Variants in GAS7 observed in about 807,000 individuals in gnomAD.
GAS7 encodes the protein growth arrest-specific protein 7.
In GAS7, 28 loss-of-function variants were observed where a neutral mutation model predicts 71.1. The observed-to-expected ratio is 0.39, with a 90% CI of 0.29 to 0.54. The LOEUF (loss-of-function observed/expected upper bound fraction) is 0.54. GAS7 is among the 20% of genes least tolerant of loss of function. GAS7 has a pLI of 0.62. For missense variants in GAS7, 436 were observed against 627.8 expected (o/e 0.69, Z 3.27); for synonymous variants, 258 against 245.8 (o/e 1.05, Z -0.46).
chr17:9,937,997 G>A (rs769018418), intron 8 of GAS7, among the ~76,000 whole-genome samples: 9 of 152,062 alleles, frequency 5.9e-5, no homozygotes, highest in Non-Finnish European at 1.2e-4. Flanking sequence ...CAAATCAAAC[G>A]CCTGTTTTGT....
intron 2 of GAS7, among the ~76,000 whole-genome samples, chr17:9,997,796 C>G (rs188299905): frequency 1.3e-5 from 2 of 152,378 alleles, no homozygotes; most frequent in East Asian, 1.9e-4. Flanking sequence ...TCACTGAACT[C>G]ACGGAAACGC....
At chr17:9,951,015 C>G (rs910230307) in intron 5 of GAS7, among the ~76,000 whole-genome samples, 1 of 152,166 alleles carries the variant, frequency 6.6e-6, no homozygotes, top group Non-Finnish European at 1.5e-5. Flanking sequence ...TTGAGGCCAG[C>G]AGCAGAAAGC....
rs1169030792 is a variant in GAS7, at chr17:9,919,817, C to T, written c.1139-112G>A. The T allele has an allele frequency of 4.9e-5, 40 of 824,716 alleles. No individual in the cohort carries two copies. The highest frequency in any genetic ancestry group is 2.4e-4 in the East Asian group (10 of 41,260). The allele number at this position is 824,716 out of a possible 1,614,324, so 51.1% of individuals were successfully genotyped here. Reference sequence around the variant, plus strand: ...CTCCTCCCCCTGGGGTCATGGTGGCCGCTGGAAAGCTGGAAAAGGGATGGC... The same window carrying T: ...CTCCTCCCCCTGGGGTCATGGTGGCTGCTGGAAAGCTGGAAAAGGGATGGC... On this transcript the variant is annotated intron_variant, in intron 11 of 13. Transcript: ENST00000432992. The surrounding 1 kb of genome is among the most constrained non-coding windows in gnomAD (Gnocchi z 5.0).
At position 10,063,807 on chromosome 17, in the gene GAS7, G is replaced by A. The variant is rs1267063731; in HGVS notation, c.184-43910C>T. Among the ~76,000 whole-genome samples the A allele has an allele frequency of 2.0e-5, 3 of 152,158 alleles. No individual in the cohort carries two copies. In the East Asian group the frequency reaches 5.8e-4, roughly 29 times the overall value. ...GCTCCACCCTGGGTCACCCTCCCTG[G>A]TCAAATGCTTCCTTCAAGACACTCA... On this transcript the variant is annotated intron_variant, in intron 1 of 13. Transcript: ENST00000432992.
chr17:10,157,355 T>G (rs994975958), intron 1 of GAS7, among the ~76,000 whole-genome samples: 4 of 151,968 alleles, frequency 2.6e-5, no homozygotes, highest in Admixed American at 6.6e-5. Flanking sequence ...TTGCACCAAC[T>G]CCCCTGCCTT....
chr17:10,165,910 C>T (rs2074290383), intron 1 of GAS7, among the ~76,000 whole-genome samples: 1 of 152,162 alleles, frequency 6.6e-6, no homozygotes, highest in Admixed American at 6.5e-5. Context: ...AGGATGCCTC[C>T]CTATTACACA....
chr17:10,063,363 C>T (rs918630691), intron 1 of GAS7, among the ~76,000 whole-genome samples: 3 of 152,184 alleles, frequency 2.0e-5, no homozygotes, highest in African/African-American at 7.2e-5. Flanking sequence ...TCAGGAGGAC[C>T]CCTTCCATCC....
intron 1 of GAS7, among the ~76,000 whole-genome samples, chr17:10,172,575 G>A (rs2074343389): frequency 6.6e-6 from 1 of 152,214 alleles, no homozygotes; most frequent in Non-Finnish European, 1.5e-5. Context: ...AAGAAAAAAT[G>A]AGGAACATAC....
intron 1 of GAS7, among the ~76,000 whole-genome samples, chr17:10,133,981 G>A (rs757602754): frequency 1.2e-3 from 181 of 152,096 alleles, no homozygotes; most frequent in Non-Finnish European, 9.7e-4. Flanking sequence ...CATTTTCTTT[G>A]AGCATCATGA....
intron 1 of GAS7, among the ~76,000 whole-genome samples, chr17:10,174,267 CAT>C (rs1028400709): frequency 3.9e-5 from 6 of 152,300 alleles, no homozygotes; most frequent in African/African-American, 1.4e-4. Flanking sequence ...ATTTTTAACA[CAT>C]GTTAATCACA....
chr17:9,925,499 G>A lies in GAS7; in HGVS notation c.1115C>T (p.Ala372Val), dbSNP rs779768381. ...SNKTEEDIKKARRKSTQAGDD... is the reference protein window; with the variant it reads ...SNKTEEDIKKVRRKSTQAGDD... ...ACCAGCCTGTGTGGACTTTCTCCGCGCCTTCTTGATGTCCTCCTCTGTCTT... is the reference window on the plus strand; with the variant it reads ...ACCAGCCTGTGTGGACTTTCTCCGCACCTTCTTGATGTCCTCCTCTGTCTT... Residue 372 changes from alanine to valine, a missense_variant, in exon 11 of 14, where the codon GCG (alanine) becomes GTG (valine). Coordinates refer to ENST00000432992, the MANE Select transcript of GAS7 (RefSeq NM_201433.2). The A allele has an allele frequency of 3.1e-6, 5 of 1,614,092 alleles. No homozygotes were observed. The highest frequency in any genetic ancestry group is 2.2e-5 in the East Asian group (1 of 44,880).
intron 1 of GAS7, among the ~76,000 whole-genome samples, chr17:10,050,166 A>G (rs1291058190): frequency 6.6e-6 from 1 of 152,208 alleles, no homozygotes; most frequent in Non-Finnish European, 1.5e-5. Context: ...TTATTTAAAC[A>G]AGTCCAATAA....
At chr17:9,970,790 C>A (rs1219911036) in intron 3 of GAS7, among the ~76,000 whole-genome samples, 2 of 152,222 alleles carry the variant, frequency 1.3e-5, no homozygotes, top group East Asian at 3.8e-4. Context: ...TATGTAGTAT[C>A]TGTCGATTTC....
intron 1 of GAS7, among the ~76,000 whole-genome samples, chr17:10,178,437 G>A (rs981249879): frequency 4.6e-5 from 7 of 151,630 alleles, no homozygotes; most frequent in South Asian, 2.1e-4. Flanking sequence ...TGTCCACTCC[G>A]GCTATTTTCT....
intron 1 of GAS7, among the ~76,000 whole-genome samples, chr17:10,168,639 G>A (rs960356241): frequency 2.0e-5 from 3 of 152,268 alleles, no homozygotes; most frequent in Admixed American, 1.3e-4. Flanking sequence ...CCCTAGTGAG[G>A]ATGTATGGTC....
Position 9,921,426 on chromosome 17 carries a change from C to T in GAS7, c.1139-1721G>A, listed in dbSNP as rs550414499. Among the ~76,000 whole-genome samples the T allele has an allele frequency of 9.2e-5, 14 of 152,190 alleles. No homozygotes were observed. The South Asian group carries it at 2.9e-3, about 32-fold the overall frequency. ...CGCCTCAGCCTCCGAAATGCAAATG[C>T]ATTTCTAGCAAGAGCTCCTGCCTGG... On this transcript the variant is annotated intron_variant, in intron 11 of 13. Transcript: ENST00000432992.
At chr17:9,948,334 T>C (rs1302335974) in intron 5 of GAS7, among the ~76,000 whole-genome samples, 1 of 152,210 alleles carries the variant, frequency 6.6e-6, no homozygotes, top group Non-Finnish European at 1.5e-5. Context: ...GGGTGAGAGA[T>C]TACCTTGCAA....
intron 1 of GAS7, among the ~76,000 whole-genome samples, chr17:10,079,712 G>A (rs1051112259): frequency 4.6e-5 from 7 of 152,214 alleles, no homozygotes; most frequent in East Asian, 1.9e-4. Flanking sequence ...ACTAAGCGGC[G>A]CCCTGACCAC....
intron 1 of GAS7, among the ~76,000 whole-genome samples, chr17:10,177,199 C>T (rs576163689): frequency 5.9e-5 from 9 of 152,200 alleles, no homozygotes; most frequent in African/African-American, 1.9e-4. Flanking sequence ...AGGAAGGGGT[C>T]CATGGGCTGG....
Sources: gnomAD v4.1 joint callset for allele counts (sites outside exome capture counted in the v4.1 genomes callset) on GRCh38, gnomAD v4.1.1 for gene constraint, Gnocchi (gnomAD v3.1) non-coding constraint, MANE v1.5 for transcripts, NCBI Gene and HGNC (gene_info 2026-07-23, HGNC 2026-07-21) for gene names.